ADAMTS2: variants seen among roughly 807,000 people sequenced by gnomAD.
ADAMTS2 encodes A disintegrin and metalloproteinase with thrombospondin motifs 2.
In ADAMTS2, 50 loss-of-function variants were observed where a neutral mutation model predicts 123.0. The ratio of observed to expected loss-of-function variants is 0.41; its 90% CI spans 0.32 to 0.51. The LOEUF (loss-of-function observed/expected upper bound fraction) is 0.51. Among genes scored for constraint, ADAMTS2 ranks in the 20% least tolerant of loss-of-function variants. The pLI is 0.35. For synonymous variants in ADAMTS2, 678 were observed against 695.4 expected (o/e 0.98, Z 0.39); for missense variants, 1,494 against 1,705.2 (o/e 0.88, Z 2.18).
intron 8 of ADAMTS2, 124 bp downstream of exon 8, chr5:179,153,925 C>G (rs561484853): frequency 7.4e-7 from 1 of 1,348,162 alleles, no homozygotes; most frequent in Non-Finnish European, 1.0e-6. Context: ...TCTCCTCCCC[C>G]GCACACAAGC....
intron 3 of ADAMTS2, among the ~76,000 whole-genome samples, chr5:179,245,234 G>A (rs1765756114): frequency 6.6e-6 from 1 of 152,092 alleles, no homozygotes; most frequent in East Asian, 1.9e-4. Context: ...CATGAGCCAA[G>A]GAATGCAGGT....
chr5:179,318,680 T>C (rs1007468415), intron 2 of ADAMTS2, among the ~76,000 whole-genome samples: 1 of 151,870 alleles, frequency 6.6e-6, no homozygotes, highest in African/African-American at 2.4e-5. Flanking sequence ...CAGCTCCTTC[T>C]CAGACCAGGG....
intron 2 of ADAMTS2, among the ~76,000 whole-genome samples, chr5:179,318,272 T>C (rs1409117507): frequency 2.6e-5 from 4 of 152,232 alleles, no homozygotes; most frequent in African/African-American, 9.6e-5. Context: ...TCTGAAGAAC[T>C]GCGATGCGAG....
chr5:179,264,393 G>A (rs528540044), intron 3 of ADAMTS2, among the ~76,000 whole-genome samples: 1 of 152,308 alleles, frequency 6.6e-6, no homozygotes, highest in African/African-American at 2.4e-5. Flanking sequence ...AGGCACAGAT[G>A]TCACAGACAT....
At chr5:179,304,539 G>A (rs1756620861) in intron 2 of ADAMTS2, among the ~76,000 whole-genome samples, 1 of 152,176 alleles carries the variant, frequency 6.6e-6, no homozygotes, top group African/African-American at 2.4e-5. Flanking sequence ...TTTTAGAACT[G>A]AAAAATACAA....
intron 3 of ADAMTS2, among the ~76,000 whole-genome samples, chr5:179,247,902 G>C (rs771285891): frequency 6.6e-6 from 1 of 152,100 alleles, no homozygotes; most frequent in Non-Finnish European, 1.5e-5. Flanking sequence ...TGAAATAAAA[G>C]GACAGAAGAC....
In ADAMTS2 at chr5:179,336,108, C is replaced by G. The variant is rs537290836; in HGVS notation, c.534+7659G>C. On this transcript the variant is annotated intron_variant, in intron 2 of 21. Transcript: ENST00000251582. ...ACAGAGCTGGTGAAGGCTGGTCCCC[C>G]CAACACGCATCTTTCCATTTCCCAA... is the stretch of plus-strand genomic sequence containing the variant. Among the ~76,000 whole-genome samples the G allele has an allele frequency of 5.9e-5, 9 of 152,338 alleles. 1 individual carries two copies. The East Asian group carries it at 9.6e-4, about 16-fold the overall frequency.
In ADAMTS2 at chr5:179,175,914, C is replaced by G. The variant is rs78095813; in HGVS notation, c.975+5158G>C. Reference sequence around the variant, plus strand: ...TGCGGATCTGCTGAGCAAGAAGCTTCCGTGGAGAAAGTTTTCAGAGACCAC... The same window carrying G: ...TGCGGATCTGCTGAGCAAGAAGCTTGCGTGGAGAAAGTTTTCAGAGACCAC... On this transcript the variant is annotated intron_variant, in intron 5 of 21. Coordinates refer to ENST00000251582, the MANE Select transcript of ADAMTS2 (RefSeq NM_014244.5). This position sits in a 1 kb window ranked among gnomAD's most constrained non-coding sequence, Gnocchi z 4.1. Among the ~76,000 whole-genome samples the G allele has an allele frequency of 2.0e-5, 3 of 151,838 alleles. No homozygotes were observed. The East Asian group carries it at 5.8e-4, about 29-fold the overall frequency.
At position 179,189,949 on chromosome 5, in the gene ADAMTS2, G is replaced by A. The variant is rs1175733716; in HGVS notation, c.892-8794C>T. Among the ~76,000 whole-genome samples, 1 of 152,144 alleles carries A rather than the reference G, an allele frequency of 6.6e-6. No individual in the cohort carries two copies. Among genetic ancestry groups the A allele is most frequent in the Non-Finnish European group, 1.5e-5 (1 of 68,038 alleles). Reference sequence around the variant, plus strand: ...AAGTACATTACCCCAAGGGCGGAGAGGGTGTATTGTTCACAAATTCAATTG... The same window carrying A: ...AAGTACATTACCCCAAGGGCGGAGAAGGTGTATTGTTCACAAATTCAATTG... On this transcript the variant is annotated intron_variant, in intron 4 of 21. Coordinates refer to ENST00000251582, the MANE Select transcript of ADAMTS2 (RefSeq NM_014244.5). The surrounding 1 kb of genome is among the most constrained non-coding windows in gnomAD (Gnocchi z 4.2).
chr5:179,293,445 G>A (rs188737181), intron 2 of ADAMTS2, among the ~76,000 whole-genome samples: 5 of 152,238 alleles, frequency 3.3e-5, no homozygotes, highest in African/African-American at 9.6e-5. Flanking sequence ...GAGCTAGACA[G>A]ATAGGGAACA....
rs114600317 is a variant in ADAMTS2, at chr5:179,156,264, G to A, written c.1133-1345C>T. Among the ~76,000 whole-genome samples, 1,294 of 152,038 alleles carry A rather than the reference G, an allele frequency of 8.5e-3. 14 individuals carry two copies. The highest frequency in any genetic ancestry group is 0.03 in the African/African-American group (1,232 of 41,446). On this transcript the variant is annotated intron_variant, in intron 6 of 21. Coordinates refer to ENST00000251582, the MANE Select transcript of ADAMTS2 (RefSeq NM_014244.5). ...CTTATTAGATAGAGTGTGCCTCCTC[G>A]ATGGAGGGTCTGTCTCCTAACTTTT... is the stretch of plus-strand genomic sequence containing the variant.
chr5:179,340,444 T>A lies in ADAMTS2; in HGVS notation c.534+3323A>T, dbSNP rs144069661. On this transcript the variant is annotated intron_variant, in intron 2 of 21. Transcript: ENST00000251582. ...GGCCTGCTCCCGGCTCCACTCACAC[T>A]GACGATGGTCAAACCCACAATGAGA... Among the ~76,000 whole-genome samples, 129 of 152,340 alleles carry A rather than the reference T, an allele frequency of 8.5e-4. 5 individuals are homozygous for A. In the East Asian group the frequency reaches 0.018, roughly 21 times the overall value.
intron 2 of ADAMTS2, among the ~76,000 whole-genome samples, chr5:179,318,819 G>A (rs916971167): frequency 5.3e-5 from 8 of 152,166 alleles, no homozygotes; most frequent in African/African-American, 1.7e-4. Flanking sequence ...TCTGAGAGGC[G>A]GGGCCCCGAA....
chr5:179,335,063 C>A (rs340417), intron 2 of ADAMTS2, among the ~76,000 whole-genome samples: 19,180 of 152,120 alleles, frequency 0.13, 1,224 homozygotes, highest in East Asian at 0.16. Context: ...CAAAACAATT[C>A]TAAAATTCAT....
chr5:179,334,612 G>A (rs553849467), intron 2 of ADAMTS2, among the ~76,000 whole-genome samples: 53 of 152,304 alleles, frequency 3.5e-4, no homozygotes, highest in Non-Finnish European at 4.4e-4. Flanking sequence ...ACTTAACATC[G>A]CTCTGAAGGT....
chr5:179,127,900 C>G (rs1034341135), intron 17 of ADAMTS2, 59 bp downstream of exon 17: 18 of 1,608,112 alleles, frequency 1.1e-5, no homozygotes, highest in Non-Finnish European at 1.4e-5. Context: ...AGGGATGCTC[C>G]CTACCTTCTC....
At chr5:179,156,961 C>CTTTTTTT (rs70997667) in intron 6 of ADAMTS2, among the ~76,000 whole-genome samples, 167 of 108,314 alleles carry the variant, frequency 1.5e-3, no homozygotes, top group African/African-American at 2.2e-3. Flanking sequence ...TTCATTTTTT[C>CTTTTTTT]TTTTTTTTTT....
chr5:179,250,159 T>C (rs1014712599), intron 3 of ADAMTS2, among the ~76,000 whole-genome samples: 1 of 152,222 alleles, frequency 6.6e-6, no homozygotes, highest in East Asian at 1.9e-4. Flanking sequence ...GATCAAAAAA[T>C]ACTCAAGAAA....
intron 11 of ADAMTS2, among the ~76,000 whole-genome samples, chr5:179,139,222 G>A (rs1016682150): frequency 1.3e-5 from 2 of 152,094 alleles, no homozygotes; most frequent in Non-Finnish European, 2.9e-5. Flanking sequence ...CAGGGTGAGC[G>A]TTCAGGCAGG....
Sources: allele counts gnomAD v4.1 joint callset (sites outside exome capture counted in the v4.1 genomes callset), GRCh38; gene constraint gnomAD v4.1.1; non-coding constraint Gnocchi (gnomAD v3.1); transcripts MANE v1.5; gene names NCBI Gene and HGNC (gene_info 2026-07-23, HGNC 2026-07-21).